Variants in NEGR1 observed in about 807,000 individuals in gnomAD.
The protein encoded by NEGR1 is IgLON family member 4.
NEGR1 carries 10 observed loss-of-function variants against 40.9 expected under a neutral mutation model. The observed-to-expected ratio is 0.24, with a 90% CI of 0.15 to 0.42. NEGR1 has a LOEUF of 0.42. Among genes scored for constraint, NEGR1 ranks in the 10% least tolerant of loss-of-function variants. The pLI is 1.00. For missense variants in NEGR1, 352 were observed against 438.9 expected (o/e 0.80, Z 1.77); for synonymous variants, 185 against 166.8 (o/e 1.11, Z -0.84).
At chr1:71,532,712 A>G (rs1305907899) in intron 6 of NEGR1, among the ~76,000 whole-genome samples, 1 of 151,618 alleles carries the variant, frequency 6.6e-6, no homozygotes, top group African/African-American at 2.4e-5. Context: ...ACAGGAGGAC[A>G]TATCACAGAT....
chr1:71,608,972 C>CA (rs1001505104), intron 5 of NEGR1, among the ~76,000 whole-genome samples: 16 of 152,212 alleles, frequency 1.1e-4, no homozygotes, highest in African/African-American at 3.6e-4. Context: ...CCTAGGTTAT[C>CA]AAAATCTGAG....
At chr1:72,241,796 A>C (rs1210920390) in intron 1 of NEGR1, among the ~76,000 whole-genome samples, 1 of 151,718 alleles carries the variant, frequency 6.6e-6, no homozygotes, top group Non-Finnish European at 1.5e-5. Context: ...ATAAACTGGA[A>C]AAAAAAGTAA....
intron 1 of NEGR1, among the ~76,000 whole-genome samples, chr1:71,949,758 C>T (rs1249879014): frequency 1.3e-5 from 2 of 152,100 alleles, no homozygotes; most frequent in Non-Finnish European, 2.9e-5. Flanking sequence ...ACAAATGGAA[C>T]TGCCCACTGT....
At chr1:72,196,536 G>A (rs1653004797) in intron 1 of NEGR1, among the ~76,000 whole-genome samples, 2 of 152,054 alleles carry the variant, frequency 1.3e-5, no homozygotes, top group East Asian at 1.9e-4. Context: ...TTGGGAGTCC[G>A]AGGCAGGCAG....
intron 1 of NEGR1, among the ~76,000 whole-genome samples, chr1:72,269,919 C>A (rs1655787258): frequency 6.6e-6 from 1 of 151,732 alleles, no homozygotes; most frequent in African/African-American, 2.4e-5. Context: ...AACTATAGAA[C>A]ATACTTTCTC....
At chr1:71,453,809 G>C (rs905881952) in intron 6 of NEGR1, among the ~76,000 whole-genome samples, 1 of 152,166 alleles carries the variant, frequency 6.6e-6, no homozygotes, top group African/African-American at 2.4e-5. Flanking sequence ...ATGAACTCTG[G>C]AATGGTTCTG....
At chr1:71,743,952 G>A (rs1655298634) in intron 3 of NEGR1, among the ~76,000 whole-genome samples, 1 of 152,086 alleles carries the variant, frequency 6.6e-6, no homozygotes. Context: ...TCAAGAATTG[G>A]AAATATGATC....
chr1:72,083,279 T>C (rs1305180153), intron 1 of NEGR1, among the ~76,000 whole-genome samples: 2 of 151,846 alleles, frequency 1.3e-5, no homozygotes, highest in Admixed American at 6.6e-5. Context: ...CCTCCTTCCC[T>C]CCCTCCCTCG....
At chr1:71,513,986 A>C (rs1647098004) in intron 6 of NEGR1, among the ~76,000 whole-genome samples, 2 of 125,068 alleles carry the variant, frequency 1.6e-5, no homozygotes, top group Non-Finnish European at 3.4e-5. Flanking sequence ...AAATCGGGTC[A>C]CTCCCACCCG....
chr1:71,840,454 C>T (rs932816273), intron 2 of NEGR1, among the ~76,000 whole-genome samples: 2 of 152,016 alleles, frequency 1.3e-5, no homozygotes, highest in African/African-American at 4.8e-5. Context: ...GTGTCCTTTG[C>T]CTACATCATT....
chr1:71,555,051 C>T (rs1648211737), intron 6 of NEGR1, among the ~76,000 whole-genome samples: 1 of 151,564 alleles, frequency 6.6e-6, no homozygotes, highest in African/African-American at 2.4e-5. Context: ...GGCACAGCTG[C>T]CTTCCTAAGG....
intron 2 of NEGR1, among the ~76,000 whole-genome samples, chr1:71,851,303 T>C (rs1256098555): frequency 6.6e-6 from 1 of 152,192 alleles, no homozygotes; most frequent in Admixed American, 6.6e-5. Flanking sequence ...ATTTTACAAA[T>C]ACATCCTAGG....
chr1:72,114,828 A>G (rs1486095), intron 1 of NEGR1, among the ~76,000 whole-genome samples: 1 of 151,548 alleles, frequency 6.6e-6, no homozygotes, highest in African/African-American at 2.4e-5. Context: ...ATTCCTTTGG[A>G]GCAAACTGCT....
intron 4 of NEGR1, among the ~76,000 whole-genome samples, chr1:71,689,579 G>T (rs1653181656): frequency 6.6e-6 from 1 of 151,974 alleles, no homozygotes; most frequent in Admixed American, 6.6e-5. Flanking sequence ...TGATTTATAG[G>T]TAAATATAGA....
intron 3 of NEGR1, among the ~76,000 whole-genome samples, chr1:71,775,301 A>G (rs1280621277): frequency 1.3e-5 from 2 of 151,974 alleles, no homozygotes; most frequent in Non-Finnish European, 2.9e-5. Context: ...AAGAATCAAC[A>G]GACATAGGTT....
chr1:71,769,986 G>C (rs746531107), intron 3 of NEGR1, among the ~76,000 whole-genome samples: 1 of 152,100 alleles, frequency 6.6e-6, no homozygotes, highest in South Asian at 2.1e-4. Context: ...TGTTACTTTT[G>C]ATAAGAGGAA....
intron 6 of NEGR1, among the ~76,000 whole-genome samples, chr1:71,495,794 T>C (rs951019492): frequency 6.6e-6 from 1 of 152,162 alleles, no homozygotes; most frequent in Non-Finnish European, 1.5e-5. Context: ...ATGGTAGTGA[T>C]ACTGGCAAGA....
chr1:72,199,082 C>T (rs1653103973), intron 1 of NEGR1, among the ~76,000 whole-genome samples: 1 of 151,080 alleles, frequency 6.6e-6, no homozygotes, highest in South Asian at 2.1e-4. Context: ...GTCCTTTTGC[C>T]CTTCAAGGAT....
chr1:72,074,968 C>T (rs1259373684), intron 1 of NEGR1, among the ~76,000 whole-genome samples: 2 of 152,078 alleles, frequency 1.3e-5, no homozygotes, highest in African/African-American at 4.8e-5. Context: ...TTTTATCTGA[C>T]ATTTCTAAAT....
Sources: allele counts gnomAD v4.1 joint callset (sites outside exome capture counted in the v4.1 genomes callset), GRCh38; gene constraint gnomAD v4.1.1; transcripts MANE v1.5; gene names NCBI Gene and HGNC (gene_info 2026-07-23, HGNC 2026-07-21).